The following MASTL variants were observed in gnomAD, a reference collection of about 807,000 sequenced individuals.
The protein encoded by MASTL is microtubule associated serine/threonine kinase like.
MASTL carries 54 observed loss-of-function variants against 82.5 expected under a neutral mutation model. The ratio of observed to expected loss-of-function variants is 0.65; its 90% confidence interval spans 0.53 to 0.82. The LOEUF (loss-of-function observed/expected upper bound fraction) is 0.82, where lower values mean the gene tolerates loss of function less well. Ranked by LOEUF, MASTL falls within the 40% of genes least tolerant of loss-of-function variation. MASTL has a pLI of 0.00. For missense variants in MASTL, 950 were observed against 1,047.8 expected (o/e 0.91, Z 1.29); for synonymous variants, 323 against 368.9 (o/e 0.88, Z 1.43).
chr10:27,181,124 C>G, intron 10 of MASTL, 58 bp downstream of exon 10: 1 of 1,292,458 alleles, frequency 7.7e-7, no homozygotes, highest in Non-Finnish European at 1.1e-6. Context: ...GTGGCCCATG[C>G]CTGTAATCCC....
chr10:27,175,922 C>A (rs1392049769), intron 9 of MASTL, among the ~76,000 whole-genome samples: 5 of 152,018 alleles, frequency 3.3e-5, no homozygotes, highest in Non-Finnish European at 5.9e-5. Context: ...CATGGTAAAA[C>A]CCCATCTCTA....
chr10:27,167,120 C>T lies in MASTL; in HGVS notation c.830C>T (p.Ser277Phe). The change falls in exon 7 of 12, where the codon TCC (serine) becomes TTC (phenylalanine). Residue 277 changes from serine to phenylalanine, a missense_variant. Coordinates refer to ENST00000375940, the MANE Select transcript of MASTL (RefSeq NM_001172303.3). ...TCTATAGGTCTTGAAACAGTTGCCT[C>T]CAACCCAGGAATGCCTGTGAAGTGT... ...LLKSCLETVA[S>F]NPGMPVKCLT... 1 of 1,613,954 alleles carries T rather than the reference C, an allele frequency of 6.2e-7. No individual in the cohort carries two copies. The highest frequency in any genetic ancestry group is 8.5e-7 in the Non-Finnish European group (1 of 1,179,892).
intron 11 of MASTL, among the ~76,000 whole-genome samples, chr10:27,182,372 A>G (rs1020496559): frequency 6.6e-6 from 1 of 152,110 alleles, no homozygotes; most frequent in Non-Finnish European, 1.5e-5. Flanking sequence ...CTTATTCTAC[A>G]TGAAAATTCA....
chr10:27,185,451 G>C (rs1183355648), intron 11 of MASTL, among the ~76,000 whole-genome samples: 1 of 151,616 alleles, frequency 6.6e-6, no homozygotes, highest in Non-Finnish European at 1.5e-5. Flanking sequence ...TGGCCAACAT[G>C]GTGAAACCCC....
intron 9 of MASTL, among the ~76,000 whole-genome samples, chr10:27,176,120 C>G (rs997111630): frequency 1.3e-5 from 2 of 151,184 alleles, no homozygotes; most frequent in African/African-American, 4.9e-5. Flanking sequence ...AAAGAAAACA[C>G]TGGGCTTGTT....
intron 4 of MASTL, among the ~76,000 whole-genome samples, chr10:27,164,634 CTTAT>C (rs2057681303): frequency 6.6e-6 from 1 of 151,858 alleles, no homozygotes; most frequent in Non-Finnish European, 1.5e-5. Context: ...ATACCATCTC[CTTAT>C]TTATTTATTT....
chr10:27,154,647 G>A, upstream of MASTL: 1 of 241,064 alleles, frequency 4.1e-6, no homozygotes, highest in Non-Finnish European at 7.9e-6. Context: ...TCGGCTCACT[G>A]CAACCTCTGC....
intron 11 of MASTL, among the ~76,000 whole-genome samples, chr10:27,185,126 G>A (rs1433319461): frequency 6.6e-6 from 1 of 152,174 alleles, no homozygotes; most frequent in Non-Finnish European, 1.5e-5. Flanking sequence ...GGATAAGGAT[G>A]GAGCACAGGG....
At chr10:27,176,849 C>CTTTTTTTT (rs11334357) in intron 9 of MASTL, among the ~76,000 whole-genome samples, 1 of 124,830 alleles carries the variant, frequency 8.0e-6, no homozygotes, top group Non-Finnish European at 1.7e-5. Flanking sequence ...TTTCTTTTTT[C>CTTTTTTTT]TTTTTTTTTT....
chr10:27,183,429 A>G lies in MASTL; in HGVS notation c.2482+1848A>G, dbSNP rs530028644. 2.6e-5 allele frequency among the ~76,000 whole-genome samples: 4 copies of G among 152,096 alleles called. No individual in the cohort carries two copies. In the East Asian group the frequency reaches 7.8e-4, roughly 29 times the overall value. On this transcript the variant is annotated intron_variant, in intron 11 of 11. Coordinates refer to ENST00000375940, the MANE Select transcript of MASTL (RefSeq NM_001172303.3). Reference sequence around the variant, plus strand: ...CCCCCAAGTAGCTGGGACTACAGGCATGTGCCACCACGCCCAGCTAATTTT... The same window carrying G: ...CCCCCAAGTAGCTGGGACTACAGGCGTGTGCCACCACGCCCAGCTAATTTT...
chr10:27,157,190 C>T (rs2057420547), intron 1 of MASTL, among the ~76,000 whole-genome samples: 1 of 152,164 alleles, frequency 6.6e-6, no homozygotes, highest in African/African-American at 2.4e-5. Context: ...TTCATCTTAG[C>T]TCCCCTTCAC....
At chr10:27,157,230 T>C (rs2057421523) in intron 1 of MASTL, among the ~76,000 whole-genome samples, 1 of 152,232 alleles carries the variant, frequency 6.6e-6, no homozygotes, top group Non-Finnish European at 1.5e-5. Flanking sequence ...AATTGGAAGA[T>C]CTGATTGAAT....
chr10:27,175,512 T>G (rs2058076464), intron 9 of MASTL, among the ~76,000 whole-genome samples: 1 of 152,074 alleles, frequency 6.6e-6, no homozygotes, highest in African/African-American at 2.4e-5. Flanking sequence ...GCACCAGTGA[T>G]TTCCTTATTG....
upstream of MASTL, chr10:27,155,088 A>C: frequency 3.3e-6 from 1 of 301,472 alleles, no homozygotes; most frequent in Admixed American, 4.8e-5. Flanking sequence ...CTCGTTGGGA[A>C]GCCAGGAGAA....
chr10:27,155,184 G>A (rs1017918291), upstream of MASTL: 5 of 558,994 alleles, frequency 8.9e-6, no homozygotes, highest in Non-Finnish European at 1.6e-5. Context: ...CCTCCCTCAT[G>A]AGGAATGATG....
intron 9 of MASTL, among the ~76,000 whole-genome samples, chr10:27,176,117 A>G (rs2058094957): frequency 6.6e-6 from 1 of 151,018 alleles, no homozygotes; most frequent in Admixed American, 6.6e-5. Flanking sequence ...AAAAAAGAAA[A>G]CACTGGGCTT....
rs1221325569 is a variant in MASTL, at chr10:27,167,198, G to T, written c.908G>T (p.Ser303Ile). The T allele has an allele frequency of 6.2e-7, 1 of 1,613,938 alleles. No individual in the cohort carries two copies. The highest frequency in any genetic ancestry group is 8.5e-7 in the Non-Finnish European group (1 of 1,179,914). The change falls in exon 7 of 12, where the codon AGT (serine) becomes ATT (isoleucine). Residue 303 changes from serine to isoleucine, a missense_variant. Coordinates refer to ENST00000375940, the MANE Select transcript of MASTL (RefSeq NM_001172303.3). ...SRKRLATSSA[S>I]SQSHTFISSV... is the part of the protein sequence containing the mutation. Reference sequence around the variant, plus strand: ...AAAAGGCTGGCCACATCCAGTGCCAGTAGTCAATCCCACACCTTCATATCC... The same window carrying T: ...AAAAGGCTGGCCACATCCAGTGCCATTAGTCAATCCCACACCTTCATATCC...
intron 8 of MASTL, among the ~76,000 whole-genome samples, 156 bp from the exon 9 acceptor site, chr10:27,172,958 CTAAT>C (rs1156556876): frequency 2.0e-5 from 3 of 152,250 alleles, no homozygotes; most frequent in Non-Finnish European, 1.5e-5. Flanking sequence ...ATAATTATAA[CTAAT>C]TATGCATTCA....
chr10:27,174,555 G>C (rs1181030767), intron 9 of MASTL, among the ~76,000 whole-genome samples: 2 of 152,002 alleles, frequency 1.3e-5, no homozygotes, highest in Admixed American at 6.6e-5. Context: ...TCCAAAATCA[G>C]GTGTCCACAG....
Sources: gnomAD v4.1 joint callset for allele counts (sites outside exome capture counted in the v4.1 genomes callset) on GRCh38, gnomAD v4.1.1 for gene constraint, MANE v1.5 for transcripts, NCBI Gene and HGNC (gene_info 2026-07-23, HGNC 2026-07-21) for gene names.